The following ZNF407 variants were observed in gnomAD, a reference collection of about 807,000 sequenced individuals.
ZNF407 encodes the protein zinc finger protein 407.
Under a neutral mutation model 131.2 loss-of-function variants are expected in ZNF407, and 17 were observed. The ratio of observed to expected loss-of-function variants is 0.13; its 90% CI spans 0.09 to 0.19. The LOEUF is 0.19. ZNF407 is among the 10% of genes least tolerant of loss of function. ZNF407 has a pLI of 1.00. For synonymous variants in ZNF407, 1,156 were observed against 1,062.0 expected (o/e 1.09, Z -1.72); for missense variants, 2,681 against 2,830.6 (o/e 0.95, Z 1.20).
At chr18:74,999,271 C>T (rs540799654) in intron 8 of ZNF407, among the ~76,000 whole-genome samples, 11 of 100,562 alleles carry the variant, frequency 1.1e-4, no homozygotes, top group East Asian at 6.1e-4. Flanking sequence ...GTGGGTGCAG[C>T]GCACCAGCAT....
rs1228377677 is a variant in ZNF407 at position 74,733,078 on chromosome 18, CTG to C, written c.4803-48348_4803-48347del. On this transcript the variant is annotated intron_variant, in intron 3 of 8. Coordinates refer to ENST00000299687, the MANE Select transcript of ZNF407 (RefSeq NM_017757.3). ...TCAGCTTCAAGTAAAAAGTGTTTAA[CTG>C]TTAAGTTATCAATTAAAATACTAGT... 3.9e-5 allele frequency among the ~76,000 whole-genome samples: 6 copies of C among 151,952 alleles called. 1 individual carries two copies. The highest frequency in any genetic ancestry group is 1.4e-4 in the African/African-American group (6 of 41,480).
chr18:74,710,525 A>T (rs765426775), intron 3 of ZNF407, among the ~76,000 whole-genome samples: 1 of 152,188 alleles, frequency 6.6e-6, no homozygotes, highest in Non-Finnish European at 1.5e-5. Context: ...CTTTCTAGGT[A>T]CCTGCCCATT....
At position 74,701,807 on chromosome 18, in the gene ZNF407, C is replaced by G. The variant is rs564477484; in HGVS notation, c.4802+60685C>G. Among the ~76,000 whole-genome samples, 3 of 152,292 alleles carry G rather than the reference C, an allele frequency of 2.0e-5. No homozygotes were observed. The South Asian group carries it at 6.2e-4, about 32-fold the overall frequency. ...AGGCTCGCCCTGTCACCCCTTCCCC[C>G]AACATGCAGTTTGTGCATTGCATTG... On this transcript the variant is annotated intron_variant, in intron 3 of 8. Coordinates refer to ENST00000299687, the MANE Select transcript of ZNF407 (RefSeq NM_017757.3).
chr18:75,050,720 G>A (rs1688865426), intron 8 of ZNF407, among the ~76,000 whole-genome samples: 1 of 152,192 alleles, frequency 6.6e-6, no homozygotes, highest in Non-Finnish European at 1.5e-5. Flanking sequence ...TGCTCTGAAA[G>A]AAGACACCCT....
chr18:74,679,115 T>C (rs527774386), intron 3 of ZNF407, among the ~76,000 whole-genome samples: 1 of 152,332 alleles, frequency 6.6e-6, no homozygotes, highest in Non-Finnish European at 1.5e-5. Context: ...GCTAAAAGAA[T>C]AGTCTTTGCA....
rs752741639 is a variant in ZNF407, at chr18:75,063,515, G to A, written c.5794G>A (p.Glu1932Lys). 22 of 1,582,782 alleles carry A rather than the reference G, an allele frequency of 1.4e-5. No individual in the cohort carries two copies. The highest frequency in any genetic ancestry group is 1.7e-4 in the Middle Eastern group (1 of 6,050). The change falls in exon 9 of 9, where the codon GAG becomes AAG. Residue 1932 changes from glutamate to lysine, a missense_variant. Glu to Lys is a moderately conservative substitution (Grantham distance 56). Transcript: ENST00000299687. The surrounding 1 kb of genome is among the most constrained non-coding windows in gnomAD (Gnocchi z 6.6). ...CGTGGTGCCCGGACCCATCCTCCCCGAGCAGCTGGCTGATGGAGCCACCCA... is the reference window on the plus strand; with the variant it reads ...CGTGGTGCCCGGACCCATCCTCCCCAAGCAGCTGGCTGATGGAGCCACCCA... The part of the protein sequence containing the change: ...GSVVPGPILP[E>K]QLADGATQVV...
intron 8 of ZNF407, among the ~76,000 whole-genome samples, chr18:75,039,546 G>A (rs1397309191): frequency 1.3e-5 from 2 of 152,072 alleles, no homozygotes; most frequent in Non-Finnish European, 2.9e-5. Context: ...GAGCCCCAAC[G>A]TTTGAAAAAA....
At chr18:74,747,659 A>G (rs560121687) in intron 3 of ZNF407, among the ~76,000 whole-genome samples, 51 of 152,238 alleles carry the variant, frequency 3.4e-4, no homozygotes, top group African/African-American at 1.1e-3. Flanking sequence ...TTATTTGCCA[A>G]TACTGTCTAG....
intron 8 of ZNF407, among the ~76,000 whole-genome samples, chr18:74,943,574 T>G (rs1206060644): frequency 1.3e-5 from 2 of 152,248 alleles, no homozygotes; most frequent in African/African-American, 4.8e-5. Flanking sequence ...ATTAAGAGTT[T>G]AGTTTTGAAT....
intron 4 of ZNF407, among the ~76,000 whole-genome samples, chr18:74,838,088 C>T (rs755436090): frequency 6.6e-6 from 1 of 152,118 alleles, no homozygotes; most frequent in Non-Finnish European, 1.5e-5. Flanking sequence ...CAGTTACTTT[C>T]GTATTTGTTG....
intron 8 of ZNF407, among the ~76,000 whole-genome samples, chr18:75,036,633 T>G (rs188095589): frequency 1.4e-4 from 22 of 152,354 alleles, no homozygotes; most frequent in Admixed American, 1.4e-3. Context: ...AAAATAACAT[T>G]GATACTTAGG....
intron 7 of ZNF407, 137 bp downstream of exon 7, chr18:74,890,175 T>A (rs1279881872): frequency 2.1e-5 from 22 of 1,027,016 alleles, no homozygotes; most frequent in Non-Finnish European, 9.0e-6. Context: ...TTACCTAATT[T>A]TAGTGACTTT....
intron 7 of ZNF407, among the ~76,000 whole-genome samples, chr18:74,909,123 CA>C (rs11385324): frequency 2.0e-5 from 3 of 147,002 alleles, no homozygotes; most frequent in Non-Finnish European, 3.0e-5. Context: ...ATAAACAGGC[CA>C]AAAAAAAAAG....
chr18:74,757,312 G>C (rs1273355262), intron 3 of ZNF407, among the ~76,000 whole-genome samples: 1 of 151,702 alleles, frequency 6.6e-6, no homozygotes, highest in African/African-American at 2.4e-5. Flanking sequence ...TGTGTCTATT[G>C]CTTCAACTAC....
At chr18:75,057,094 A>G (rs1335239393) in intron 8 of ZNF407, among the ~76,000 whole-genome samples, 1 of 151,728 alleles carries the variant, frequency 6.6e-6, no homozygotes, top group African/African-American at 2.4e-5. Flanking sequence ...TTTCATTACG[A>G]CAAGGAACCA....
chr18:74,977,919 T>C (rs1190455974), intron 8 of ZNF407, among the ~76,000 whole-genome samples: 1 of 152,240 alleles, frequency 6.6e-6, no homozygotes, highest in Non-Finnish European at 1.5e-5. Flanking sequence ...TTTTAGTACT[T>C]TTCATGTAAA....
intron 8 of ZNF407, among the ~76,000 whole-genome samples, chr18:75,055,354 C>A (rs1362503465): frequency 6.6e-6 from 1 of 152,180 alleles, no homozygotes; most frequent in Admixed American, 6.5e-5. Flanking sequence ...CACGATCTCT[C>A]TGTGTAGCTC....
intron 7 of ZNF407, among the ~76,000 whole-genome samples, chr18:74,912,993 T>A (rs1290534780): frequency 6.6e-6 from 1 of 152,202 alleles, no homozygotes; most frequent in Non-Finnish European, 1.5e-5. Flanking sequence ...CCTTAAAAAT[T>A]AAAACTCCAA....
At chr18:74,758,558 C>T (rs1020435881) in intron 3 of ZNF407, among the ~76,000 whole-genome samples, 1 of 152,004 alleles carries the variant, frequency 6.6e-6, no homozygotes, top group African/African-American at 2.4e-5. Flanking sequence ...TTTAATTGGA[C>T]AGGGAAAATA....
Sources: gnomAD v4.1 joint callset for allele counts (sites outside exome capture counted in the v4.1 genomes callset) on GRCh38, gnomAD v4.1.1 for gene constraint, Gnocchi (gnomAD v3.1) non-coding constraint, MANE v1.5 for transcripts, NCBI Gene and HGNC (gene_info 2026-07-23, HGNC 2026-07-21) for gene names.